The following GRB14 variants were observed in gnomAD, a reference collection of about 807,000 sequenced individuals.
GRB14 encodes growth factor receptor-bound protein 14.
A neutral mutation model predicts 69.1 loss-of-function variants in GRB14; 38 were observed. The observed-to-expected ratio is 0.55, with a 90% CI of 0.42 to 0.72. GRB14 has a LOEUF of 0.72. Ranked by LOEUF, GRB14 falls within the 30% of genes least tolerant of loss-of-function variation. The pLI, the probability that GRB14 is intolerant of heterozygous loss-of-function variation, is 0.00. For synonymous variants in GRB14, 247 were observed against 241.3 expected, an observed-to-expected ratio of 1.02 and a Z score of -0.22; for missense variants, 666 against 666.1, an observed-to-expected ratio of 1.00 and a Z score of 0.00.
intron 3 of GRB14, among the ~76,000 whole-genome samples, chr2:164,535,903 C>T (rs776497560): frequency 3.9e-5 from 6 of 152,142 alleles, no homozygotes; most frequent in Non-Finnish European, 5.9e-5. Flanking sequence ...CAATTAACTC[C>T]GACCCAACCA....
Position 164,493,017 on chromosome 2 carries a change from T to TAAG in GRB14, c.*16_*18dup. ...GAGTCCTTTTCCTTCAATAGTTTAA[T>TAAG]AAGTCACTTCTGGCTTGTCTAGAGA... On this transcript the variant is annotated 3_prime_UTR_variant, in exon 14 of 14. Transcript: ENST00000263915. The TAAG allele has an allele frequency of 6.3e-7, 1 of 1,598,722 alleles. No individual in the cohort carries two copies. The highest frequency in any genetic ancestry group is 8.5e-7 in the Non-Finnish European group (1 of 1,173,464).
intron 2 of GRB14, among the ~76,000 whole-genome samples, chr2:164,607,103 G>T (rs1690060339): frequency 6.6e-6 from 1 of 152,162 alleles, no homozygotes; most frequent in African/African-American, 2.4e-5. Context: ...CATTTATCCT[G>T]ACCAGGCTCT....
At chr2:164,512,224 T>C (rs1277878007) in intron 6 of GRB14, among the ~76,000 whole-genome samples, 1 of 152,194 alleles carries the variant, frequency 6.6e-6, no homozygotes. Context: ...TGGAGGGCAA[T>C]GGCGTGATCT....
At chr2:164,573,738 T>C in intron 2 of GRB14, 1 of 1,607,164 alleles carries the variant, frequency 6.2e-7, no homozygotes, top group South Asian at 1.1e-5. Flanking sequence ...CTTCTCAATA[T>C]TCATGCCCGT....
chr2:164,493,490 A>AGT (rs1263301510), intron 13 of GRB14, among the ~76,000 whole-genome samples: 1 of 152,196 alleles, frequency 6.6e-6, no homozygotes. Flanking sequence ...TCAGAGTAAA[A>AGT]GTAAATGAAG....
chr2:164,581,439 A>T (rs1689402427), intron 2 of GRB14, among the ~76,000 whole-genome samples: 1 of 152,196 alleles, frequency 6.6e-6, no homozygotes, highest in Admixed American at 6.5e-5. Flanking sequence ...GTTTCCGTGA[A>T]AACAGAGAGA....
At chr2:164,551,939 T>C (rs570679454) in intron 2 of GRB14, among the ~76,000 whole-genome samples, 1 of 152,238 alleles carries the variant, frequency 6.6e-6, no homozygotes, top group East Asian at 1.9e-4. Flanking sequence ...GGTGCTGGCA[T>C]CTGCTTCTGG....
intron 3 of GRB14, among the ~76,000 whole-genome samples, chr2:164,530,481 A>G (rs1040531164): frequency 2.6e-5 from 4 of 152,134 alleles, no homozygotes; most frequent in South Asian, 2.1e-4. Context: ...TACAGGGAAA[A>G]ATAGAGCAGC....
chr2:164,492,834 A>AT lies in GRB14; in HGVS notation c.*201dup. On this transcript the variant is annotated 3_prime_UTR_variant, in exon 14 of 14. Coordinates refer to ENST00000263915, the MANE Select transcript of GRB14 (RefSeq NM_004490.3). ...CAAGTCATTTTTTTCCTAAGGTTTA[A>AT]TTTTAACTAATGAATTTTAAATGAT... The AT allele has an allele frequency of 2.2e-6, 1 of 453,882 alleles. No individual in the cohort carries two copies. The highest frequency in any genetic ancestry group is 3.8e-6 in the Non-Finnish European group (1 of 261,004). 28.1% of individuals were successfully genotyped at this position (453,882 alleles called of 1,614,324 possible).
chr2:164,592,891 T>A (rs1314612893), intron 2 of GRB14, among the ~76,000 whole-genome samples: 1 of 152,212 alleles, frequency 6.6e-6, no homozygotes, highest in African/African-American at 2.4e-5. Flanking sequence ...TCTGCCTCCA[T>A]GCCCTTACCT....
chr2:164,580,726 G>A (rs60207355), intron 2 of GRB14, among the ~76,000 whole-genome samples: 4,592 of 150,848 alleles, frequency 0.03, 222 homozygotes, highest in African/African-American at 0.11. Flanking sequence ...AAAAAAAAGT[G>A]CATTCTATTT....
At chr2:164,599,676 T>C (rs983655868) in intron 2 of GRB14, among the ~76,000 whole-genome samples, 1 of 152,182 alleles carries the variant, frequency 6.6e-6, no homozygotes, top group South Asian at 2.1e-4. Flanking sequence ...AAGAAAGTAT[T>C]TGCATATGCA....
intron 2 of GRB14, among the ~76,000 whole-genome samples, chr2:164,595,994 T>C (rs111631097): frequency 2.0e-5 from 3 of 152,032 alleles, no homozygotes; most frequent in Admixed American, 2.0e-4. Flanking sequence ...CTTGGTGGCA[T>C]GCGCCTGTAG....
chr2:164,567,998 C>T (rs1270289532), intron 2 of GRB14, among the ~76,000 whole-genome samples: 1 of 151,768 alleles, frequency 6.6e-6, no homozygotes, highest in Non-Finnish European at 1.5e-5. Context: ...GAGCTAAAAA[C>T]AAAGAGGCTT....
intron 4 of GRB14, 140 bp downstream of exon 4, chr2:164,526,874 G>T: frequency 4.9e-6 from 2 of 405,234 alleles, no homozygotes; most frequent in Non-Finnish European, 8.7e-6. Context: ...TAAGAAATAT[G>T]GGTATAATTT....
chr2:164,582,421 A>ATTTT (rs143543028), intron 2 of GRB14, among the ~76,000 whole-genome samples: 1 of 89,254 alleles, frequency 1.1e-5, no homozygotes, highest in African/African-American at 5.4e-5. Context: ...TTATTTATTT[A>ATTTT]TTATTTTTTT....
chr2:164,548,846 A>AT (rs1385072311), intron 2 of GRB14, among the ~76,000 whole-genome samples: 1 of 151,982 alleles, frequency 6.6e-6, no homozygotes, highest in Non-Finnish European at 1.5e-5. Context: ...CCTGTTAGCC[A>AT]TTTTTATGTC....
At chr2:164,495,319 A>G (rs968510856) in intron 12 of GRB14, among the ~76,000 whole-genome samples, 8 of 152,306 alleles carry the variant, frequency 5.3e-5, no homozygotes, top group African/African-American at 1.4e-4. Flanking sequence ...CTGTTCATAC[A>G]CAATAGCAAG....
chr2:164,551,937 C>T (rs1248436891), intron 2 of GRB14, among the ~76,000 whole-genome samples: 1 of 152,172 alleles, frequency 6.6e-6, no homozygotes, highest in Non-Finnish European at 1.5e-5. Flanking sequence ...ATGGTGCTGG[C>T]ATCTGCTTCT....
Sources: allele counts gnomAD v4.1 joint callset (sites outside exome capture counted in the v4.1 genomes callset), GRCh38; gene constraint gnomAD v4.1.1; transcripts MANE v1.5; gene names NCBI Gene and HGNC (gene_info 2026-07-23, HGNC 2026-07-21).